Variants in MX1 observed in about 807,000 individuals in gnomAD.
The protein encoded by MX1 is MX dynamin like GTPase 1.
MX1 carries 66 observed loss-of-function variants against 66.4 expected under a neutral mutation model. The ratio of observed to expected loss-of-function variants is 0.99; its 90% CI spans 0.82 to 1.22. The LOEUF (loss-of-function observed/expected upper bound fraction) is 1.22, where lower values mean the gene tolerates loss of function less well. Ranked by LOEUF, MX1 falls within the 50% of genes most tolerant of loss-of-function variation. The probability of loss-of-function intolerance (pLI) is 0.00; values close to 1 mark genes in which losing one functional copy is unlikely to be tolerated. For missense variants in MX1, 787 were observed against 834.3 expected, an observed-to-expected ratio of 0.94 and a Z score of 0.70; for synonymous variants, 311 against 318.1, an observed-to-expected ratio of 0.98 and a Z score of 0.24.
At chr21:41,451,681 A>C (rs1332395261) in intron 15 of MX1, among the ~76,000 whole-genome samples, 1 of 151,660 alleles carries the variant, frequency 6.6e-6, no homozygotes, top group Non-Finnish European at 1.5e-5. Context: ...TAAAAATACA[A>C]AAAAGTAGCT....
At chr21:41,432,791 T>C (rs975552828) in intron 5 of MX1, among the ~76,000 whole-genome samples, 1 of 152,224 alleles carries the variant, frequency 6.6e-6, no homozygotes, top group African/African-American at 2.4e-5. Flanking sequence ...CTCAGAGTGC[T>C]CAGTTTCTTA....
Position 41,432,041 on chromosome 21 carries a change from T to C in MX1, c.-21-9T>C. 6.2e-7 allele frequency: 1 copy of C among 1,611,828 alleles called. No individual in the cohort carries two copies. The highest frequency in any genetic ancestry group is 8.5e-7 in the Non-Finnish European group (1 of 1,178,746). ...TTATCTGTTCAATAGGCATCTGCTTTATTTTAAGCTTACTTTGCAAAGAAG... is the reference window on the plus strand; with the variant it reads ...TTATCTGTTCAATAGGCATCTGCTTCATTTTAAGCTTACTTTGCAAAGAAG... On this transcript the variant is annotated splice_polypyrimidine_tract_variant and intron_variant, in intron 4 of 16. Transcript: ENST00000398598.
At chr21:41,448,932 G>GCC (rs2090744835) in intron 13 of MX1, among the ~76,000 whole-genome samples, 9 of 310 alleles carry the variant, frequency 0.029, no homozygotes, top group East Asian at 0.16. Flanking sequence ...ATCTGGTTTT[G>GCC]TGTGTGTGTG....
In MX1 at chr21:41,458,962, T is replaced by C; in HGVS notation, c.*204T>C. The C allele has an allele frequency of 1.1e-6, 1 of 890,326 alleles. No homozygotes were observed. The allele number at this position is 890,326 out of a possible 1,614,324, so 55.2% of individuals were successfully genotyped here. A position where few individuals can be genotyped will look rare whatever the true frequency, so the allele number is the denominator to read the frequency against. ...ACAGAGCCCCACCCTCAGATGCACA[T>C]GAGCTGGCGGGATTGAAGGATGCTG... On this transcript the variant is annotated 3_prime_UTR_variant, in exon 17 of 17. Transcript: ENST00000398598.
chr21:41,437,013 A>G lies in MX1; in HGVS notation c.299-2A>G. 1 of 1,613,854 alleles carries G rather than the reference A, an allele frequency of 6.2e-7. No homozygotes were observed. Among genetic ancestry groups the G allele is most frequent in the South Asian group, 1.1e-5 (1 of 91,074 alleles). ...AGCACTGATGTGGGCGTGGCCTCCT[A>G]GGGATCGTGACCAGATGCCCGCTGG... is the stretch of plus-strand genomic sequence containing the variant. On this transcript the variant is annotated splice_acceptor_variant, in intron 6 of 16. Transcript: ENST00000398598. LOFTEE classifies it high-confidence loss of function.
intron 16 of MX1, among the ~76,000 whole-genome samples, chr21:41,453,367 G>A (rs369358358): frequency 1.1e-4 from 16 of 152,310 alleles, no homozygotes; most frequent in Admixed American, 4.6e-4. Flanking sequence ...AAACCATATC[G>A]CCTTCGTAGA....
intron 5 of MX1, among the ~76,000 whole-genome samples, chr21:41,435,115 T>G (rs984783381): frequency 6.6e-6 from 1 of 152,378 alleles, no homozygotes; most frequent in Middle Eastern, 3.4e-3. Flanking sequence ...TTATTGCTTC[T>G]GATAAGATTG....
At position 41,437,059 on chromosome 21, in the gene MX1, G is replaced by C. The variant is rs775331020; in HGVS notation, c.343G>C (p.Val115Leu). The C allele has an allele frequency of 2.5e-6, 4 of 1,613,874 alleles. No homozygotes were observed. Among genetic ancestry groups the C allele is most frequent in the African/African-American group, 2.7e-5 (2 of 74,906 alleles). ...GCTGGTGCTGAAACTGAAGAAACTT[G>C]TGAACGAAGATAAGTGGAGAGGCAA... ...CPLVLKLKKL[V>L]NEDKWRGKVS... The change falls in exon 7 of 17, where the codon GTG (valine) becomes CTG (leucine). Residue 115 changes from valine to leucine, a missense_variant. Physicochemically the swap from Val to Leu is conservative, Grantham distance 32 (BLOSUM62 1). Transcript: ENST00000398598.
chr21:41,424,302 TCCCCTTGGATGAA>T (rs974235352), upstream of MX1, among the ~76,000 whole-genome samples: 29 of 151,600 alleles, frequency 1.9e-4, no homozygotes, highest in African/African-American at 6.8e-4. Context: ...GAACTTGTGT[TCCCCTTGGATGAA>T]CCCCTTGGAT....
chr21:41,436,277 C>T (rs1280345950), intron 6 of MX1, among the ~76,000 whole-genome samples: 1 of 152,178 alleles, frequency 6.6e-6, no homozygotes. Flanking sequence ...CATAAGGGCA[C>T]CAGTCATATT....
At chr21:41,451,606 G>T (rs1032439096) in intron 15 of MX1, among the ~76,000 whole-genome samples, 1 of 152,096 alleles carries the variant, frequency 6.6e-6, no homozygotes, top group Admixed American at 6.5e-5. Context: ...GGCTGAGGCC[G>T]GTAGATGACT....
intron 11 of MX1, among the ~76,000 whole-genome samples, chr21:41,444,661 G>T (rs898291807): frequency 2.6e-5 from 4 of 152,086 alleles, no homozygotes; most frequent in Non-Finnish European, 5.9e-5. Flanking sequence ...GCTCTCTGGG[G>T]TCCCACTGTA....
Position 41,432,063 on chromosome 21 carries a change from G to A in MX1, c.-8G>A, listed in dbSNP as rs966996037. On this transcript the variant is annotated 5_prime_UTR_variant, in exon 5 of 17. Coordinates refer to ENST00000398598, the MANE Select transcript of MX1 (RefSeq NM_002462.5). ...CTTTATTTTAAGCTTACTTTGCAAA[G>A]AAGGAAGATGGTTGTTTCCGAAGTG... The A allele has an allele frequency of 2.9e-5, 47 of 1,613,698 alleles. No homozygotes were observed. The highest frequency in any genetic ancestry group is 3.8e-5 in the Non-Finnish European group (45 of 1,179,940).
intron 15 of MX1, 101 bp from the exon 16 acceptor site, chr21:41,452,520 C>A: frequency 7.5e-7 from 1 of 1,329,670 alleles, no homozygotes; most frequent in Non-Finnish European, 1.0e-6. Flanking sequence ...CTGTTTCACT[C>A]ACGTTGGGTA....
intron 13 of MX1, among the ~76,000 whole-genome samples, 157 bp from the exon 14 acceptor site, chr21:41,448,978 GTA>G (rs1047680237): frequency 1.6e-5 from 2 of 122,784 alleles, no homozygotes; most frequent in Non-Finnish European, 3.5e-5. Context: ...GTGTGTGTGT[GTA>G]ATCCCTGGAT....
At position 41,441,837 on chromosome 21, in the gene MX1, G is replaced by C. The variant is rs755642206; in HGVS notation, c.852G>C (p.Gln284His). 47 of 1,614,080 alleles carry C rather than the reference G, an allele frequency of 2.9e-5. No homozygotes were observed. Among genetic ancestry groups the C allele is most frequent in the Middle Eastern group, 1.6e-4 (1 of 6,084 alleles). The change falls in exon 10 of 17, where the codon CAG becomes CAC. Residue 284 changes from glutamine to histidine, a missense_variant. By Grantham distance (24) the Gln-to-His change is conservative. Coordinates refer to ENST00000398598, the MANE Select transcript of MX1 (RefSeq NM_002462.5). The surrounding 1 kb of genome is among the most constrained non-coding windows in gnomAD (Gnocchi z 4.0). ...TGATTGTCAAGTGCCGGGGCCAGCA[G>C]GAGATCCAGGACCAGCTGAGCCTGT... ...GYMIVKCRGQ[Q>H]EIQDQLSLSE...
At chr21:41,435,084 G>A (rs2090322542) in intron 5 of MX1, among the ~76,000 whole-genome samples, 1 of 152,202 alleles carries the variant, frequency 6.6e-6, no homozygotes, top group African/African-American at 2.4e-5. Context: ...TAAAAATACT[G>A]CTTCACTGTC....
Position 41,446,105 on chromosome 21 carries a change from A to G in MX1, c.1237A>G (p.Lys413Glu). The G allele has an allele frequency of 1.2e-6, 2 of 1,614,206 alleles. No individual in the cohort carries two copies. Among genetic ancestry groups the G allele is most frequent in the Non-Finnish European group, 1.7e-6 (2 of 1,180,010 alleles). Residue 413 changes from lysine to glutamate, a missense_variant, in exon 13 of 17, where the codon AAA (lysine) becomes GAA (glutamate). Physicochemically the swap from Lys to Glu is moderately conservative, Grantham distance 56. Coordinates refer to ENST00000398598, the MANE Select transcript of MX1 (RefSeq NM_002462.5). ...LFTRLRHEFH[K>E]WSTIIENNFQ... The stretch of plus-strand genomic sequence containing the variant: ...TACCAGACTCCGACACGAGTTCCAC[A>G]AATGGAGTACAATAATTGAAAACAA...
intron 15 of MX1, 97 bp downstream of exon 15, chr21:41,451,340 A>G: frequency 1.2e-6 from 1 of 832,686 alleles, no homozygotes; most frequent in Non-Finnish European, 2.0e-6. Context: ...TTTCAACTTT[A>G]TTGTATACTT....
Sources: allele counts gnomAD v4.1 joint callset (sites outside exome capture counted in the v4.1 genomes callset), GRCh38; gene constraint gnomAD v4.1.1; non-coding constraint Gnocchi (gnomAD v3.1); transcripts MANE v1.5; gene names NCBI Gene and HGNC (gene_info 2026-07-23, HGNC 2026-07-21).